FMNL3: variants seen among roughly 807,000 people sequenced by gnomAD.
FMNL3 encodes the protein formin-like protein 3.
In FMNL3, 57 loss-of-function variants were observed where a neutral mutation model predicts 119.6. The observed-to-expected ratio is 0.48, with a 90% CI of 0.39 to 0.59. The LOEUF (loss-of-function observed/expected upper bound fraction) is 0.59, where lower values mean the gene tolerates loss of function less well. Ranked by LOEUF, FMNL3 falls within the 20% of genes least tolerant of loss-of-function variation. The pLI is 0.00. For missense variants in FMNL3, 1,053 were observed against 1,323.5 expected (o/e 0.80, Z 3.17); for synonymous variants, 491 against 507.3 (o/e 0.97, Z 0.43).
rs777177925 is a variant in FMNL3 at position 49,642,682 on chromosome 12, C to G, written c.*3133G>C. 2 of 1,613,068 alleles carry G rather than the reference C, an allele frequency of 1.2e-6. No homozygotes were observed. The highest frequency in any genetic ancestry group is 1.7e-6 in the Non-Finnish European group (2 of 1,179,526). On this transcript the variant is annotated 3_prime_UTR_variant, in exon 26 of 26. Coordinates refer to ENST00000335154, the MANE Select transcript of FMNL3 (RefSeq NM_175736.5). This position sits in a 1 kb window ranked among gnomAD's most constrained non-coding sequence, Gnocchi z 5.8. The stretch of plus-strand genomic sequence containing the variant: ...GTTCCTACAGGTGCTGGAGGTGAGG[C>G]AGGCTTGTCCTCTGGATCTGCCTCA...
Position 49,643,054 on chromosome 12 carries a change from G to C in FMNL3, c.*2761C>G. 1 of 1,606,554 alleles carries C rather than the reference G, an allele frequency of 6.2e-7. No individual in the cohort carries two copies. The highest frequency in any genetic ancestry group is 8.5e-7 in the Non-Finnish European group (1 of 1,174,168). On this transcript the variant is annotated 3_prime_UTR_variant, in exon 26 of 26. Transcript: ENST00000335154. Reference sequence around the variant, plus strand: ...GTAGAAGGGACATGGGGTGAAGCTGGGTTGTTTTGGGGAAATAAACACTTT... The same window carrying C: ...GTAGAAGGGACATGGGGTGAAGCTGCGTTGTTTTGGGGAAATAAACACTTT...
At position 49,643,683 on chromosome 12, in the gene FMNL3, A is replaced by G. The variant is rs375334697; in HGVS notation, c.*2132T>C. 10 of 1,612,612 alleles carry G rather than the reference A, an allele frequency of 6.2e-6. No homozygotes were observed. In the African/African-American group the frequency reaches 1.1e-4, roughly 17 times the overall value. ...GTTGGGACTTAGTAGGGATTTTTCT[A>G]TCTCTAGATCATGGCCTTCGGAAAG... is the stretch of plus-strand genomic sequence containing the variant. On this transcript the variant is annotated 3_prime_UTR_variant, in exon 26 of 26. Transcript: ENST00000335154.
intron 1 of FMNL3, among the ~76,000 whole-genome samples, chr12:49,704,845 A>G (rs538159029): frequency 6.6e-6 from 1 of 152,232 alleles, no homozygotes; most frequent in East Asian, 1.9e-4. Context: ...CCTCCATTTT[A>G]CAGATGAGGA....
chr12:49,656,989 C>A, intron 7 of FMNL3, 90 bp from the exon 8 acceptor site: 2 of 1,542,376 alleles, frequency 1.3e-6, no homozygotes, highest in South Asian at 2.3e-5. Context: ...ACCAGCAAAC[C>A]TGTCTTTTAT....
In FMNL3 at chr12:49,657,119, A is replaced by G; in HGVS notation, c.677T>C (p.Val226Ala). The G allele has an allele frequency of 1.2e-6, 2 of 1,614,172 alleles. No individual in the cohort carries two copies. The highest frequency in any genetic ancestry group is 2.7e-5 in the African/African-American group (2 of 75,044). ...RLVSQKDDVH[V>A]CILCLRAIMN... ...GATGGCTCTGAGACAAAGGATACAG[A>G]CGTGGACGTCATCCTTCTGGCTCAC... The change falls in exon 7 of 26, where the codon GTC becomes GCC. Residue 226 changes from valine (V) to alanine (A), a missense_variant. Val to Ala is a moderately conservative substitution (Grantham distance 64). Transcript: ENST00000335154.
chr12:49,706,354 G>A (rs757028296), intron 1 of FMNL3, among the ~76,000 whole-genome samples: 1 of 152,202 alleles, frequency 6.6e-6, no homozygotes, highest in Non-Finnish European at 1.5e-5. Context: ...ACGTGAAAAG[G>A]GGGGGAGGAG....
chr12:49,651,475 T>G (rs778000063), intron 14 of FMNL3, 25 bp from the exon 15 acceptor site: 1 of 1,451,820 alleles, frequency 6.9e-7, no homozygotes, highest in Non-Finnish European at 9.1e-7. Flanking sequence ...AATGACACAG[T>G]GACCCAGGCG....
chr12:49,653,331 C>T lies in FMNL3; in HGVS notation c.1222-4G>A. 1.2e-6 allele frequency: 2 copies of T among 1,613,864 alleles called. No homozygotes were observed. The highest frequency in any genetic ancestry group is 1.7e-6 in the Non-Finnish European group (2 of 1,179,998). Reference sequence around the variant, plus strand: ...GGTCCAGAAGCTTCTCTGTGAGCTGCACAACAGGAAGGGCAGGTTCTGTGC... The same window carrying T: ...GGTCCAGAAGCTTCTCTGTGAGCTGTACAACAGGAAGGGCAGGTTCTGTGC... On this transcript the variant is annotated splice_polypyrimidine_tract_variant and splice_region_variant and intron_variant, in intron 12 of 25. Transcript: ENST00000335154.
chr12:49,680,249 GC>G (rs1474065876), intron 1 of FMNL3, among the ~76,000 whole-genome samples: 4 of 152,226 alleles, frequency 2.6e-5, no homozygotes, highest in African/African-American at 9.7e-5. Flanking sequence ...TTATTATAAA[GC>G]CATAAAACTT....
chr12:49,647,553 C>A lies in FMNL3; in HGVS notation c.2778+150G>T. ...CTGGGCCCCACCCTGCCCACCAGTT[C>A]ACAGCTAAGAGGCCTGTCACCAGCT... On this transcript the variant is annotated intron_variant, in intron 23 of 25. Coordinates refer to ENST00000335154, the MANE Select transcript of FMNL3 (RefSeq NM_175736.5). This position sits in a 1 kb window ranked among gnomAD's most constrained non-coding sequence, Gnocchi z 4.9. 1 of 899,994 alleles carries A rather than the reference C, an allele frequency of 1.1e-6. No individual in the cohort carries two copies. The allele number at this position is 899,994 out of a possible 1,614,324, so 55.8% of individuals were successfully genotyped here.
chr12:49,667,950 C>T (rs1943936398), intron 2 of FMNL3, among the ~76,000 whole-genome samples: 1 of 152,172 alleles, frequency 6.6e-6, no homozygotes, highest in Admixed American at 6.5e-5. Flanking sequence ...TGTTAGAAGA[C>T]TCTCAACTCT....
Position 49,650,000 on chromosome 12 carries a change from T to C in FMNL3, c.2001-75A>G. On this transcript the variant is annotated intron_variant, in intron 17 of 25. Coordinates refer to ENST00000335154, the MANE Select transcript of FMNL3 (RefSeq NM_175736.5). This position sits in a 1 kb window ranked among gnomAD's most constrained non-coding sequence, Gnocchi z 5.6. ...CCCTCATCCCTTTTATTCTCCAAGC[T>C]CCTAGAAGAACTGGACAGGGGACTG... 1 of 1,328,352 alleles carries C rather than the reference T, an allele frequency of 7.5e-7. No homozygotes were observed. 82.3% of individuals were successfully genotyped at this position (1,328,352 alleles called of 1,614,324 possible).
intron 4 of FMNL3, among the ~76,000 whole-genome samples, chr12:49,664,954 C>A (rs1943847307): frequency 6.6e-6 from 1 of 151,916 alleles, no homozygotes; most frequent in Non-Finnish European, 1.5e-5. Flanking sequence ...CCACTGCTCA[C>A]TCATAAGCAC....
At chr12:49,670,267 TC>T (rs1272245341) in intron 1 of FMNL3, among the ~76,000 whole-genome samples, 1 of 152,236 alleles carries the variant, frequency 6.6e-6, no homozygotes, top group East Asian at 1.9e-4. Flanking sequence ...CCTCTAACTT[TC>T]GATGGAACCA....
rs1371214191 is a variant in FMNL3, at chr12:49,645,132, G to T, written c.*683C>A. 8.0e-6 allele frequency: 1 copy of T among 125,578 alleles called. No homozygotes were observed. Among genetic ancestry groups the T allele is most frequent in the Admixed American group, 8.0e-5 (1 of 12,574 alleles). The allele number at this position is 125,578 out of a possible 1,614,324, so 7.8% of individuals were successfully genotyped here. A position where few individuals can be genotyped will look rare whatever the true frequency, so the allele number is the denominator to read the frequency against. Reference sequence around the variant, plus strand: ...AAAAAAAAAAAAAAAAAAAAAAACCGTAGCTGAGGAAAGAAGGTGAAGAGT... The same window carrying T: ...AAAAAAAAAAAAAAAAAAAAAAACCTTAGCTGAGGAAAGAAGGTGAAGAGT... On this transcript the variant is annotated 3_prime_UTR_variant, in exon 26 of 26. Transcript: ENST00000335154.
chr12:49,643,286 C>T lies in FMNL3; in HGVS notation c.*2529G>A, dbSNP rs1462672225. 13 of 1,613,580 alleles carry T rather than the reference C, an allele frequency of 8.1e-6. No homozygotes were observed. The highest frequency in any genetic ancestry group is 5.5e-5 in the South Asian group (5 of 90,964). On this transcript the variant is annotated 3_prime_UTR_variant, in exon 26 of 26. Transcript: ENST00000335154. ...TCTCCGGCCCCCCAAGCGGAGGAGG[C>T]GGAACCCCTCAGAGTCAGGCTCTGA... is the stretch of plus-strand genomic sequence containing the variant.
rs1592636615 is a variant in FMNL3 at position 49,647,227 on chromosome 12, A to C, written c.2871+49T>G. 1 of 1,602,420 alleles carries C rather than the reference A, an allele frequency of 6.2e-7. No individual in the cohort carries two copies. The highest frequency in any genetic ancestry group is 8.5e-7 in the Non-Finnish European group (1 of 1,171,948). On this transcript the variant is annotated intron_variant, in intron 24 of 25. Coordinates refer to ENST00000335154, the MANE Select transcript of FMNL3 (RefSeq NM_175736.5). This position sits in a 1 kb window ranked among gnomAD's most constrained non-coding sequence, Gnocchi z 4.9. Reference sequence around the variant, plus strand: ...TCTAGCCTTCTGACCCCCAGCCCCCACTCTTTTGCCTTGTCGTCCTCCAGG... The same window carrying C: ...TCTAGCCTTCTGACCCCCAGCCCCCCCTCTTTTGCCTTGTCGTCCTCCAGG...
At chr12:49,666,050 A>G in intron 3 of FMNL3, 77 bp downstream of exon 3, 1 of 1,551,440 alleles carries the variant, frequency 6.4e-7, no homozygotes, top group Admixed American at 1.7e-5. Flanking sequence ...TCCAATATCC[A>G]AGTCAAAGGG....
chr12:49,641,249 C>G lies in FMNL3; in HGVS notation c.*4566G>C, dbSNP rs1278366564. On this transcript the variant is annotated 3_prime_UTR_variant, in exon 26 of 26. Transcript: ENST00000335154. Reference sequence around the variant, plus strand: ...GGTGGGGAGCTGCACACCTGGTGGCCTCCGTTTCTCCCATGGACTAAGTCA... The same window carrying G: ...GGTGGGGAGCTGCACACCTGGTGGCGTCCGTTTCTCCCATGGACTAAGTCA... 6.6e-6 allele frequency: 1 copy of G among 152,238 alleles called. No individual in the cohort carries two copies. The highest frequency in any genetic ancestry group is 1.5e-5 in the Non-Finnish European group (1 of 68,112). 9.4% of individuals were successfully genotyped at this position (152,238 alleles called of 1,614,324 possible). A position where few individuals can be genotyped will look rare whatever the true frequency, so the allele number is the denominator to read the frequency against.
Sources: allele counts gnomAD v4.1 joint callset (sites outside exome capture counted in the v4.1 genomes callset), GRCh38; gene constraint gnomAD v4.1.1; non-coding constraint Gnocchi (gnomAD v3.1); transcripts MANE v1.5; gene names NCBI Gene and HGNC (gene_info 2026-07-23, HGNC 2026-07-21).